SULT2B1: variants seen among roughly 807,000 people sequenced by gnomAD.
SULT2B1 encodes sulfotransferase family 2B member 1.
Under a neutral mutation model 33.2 loss-of-function variants are expected in SULT2B1, and 16 were observed. The ratio of observed to expected loss-of-function variants is 0.48; its 90% CI spans 0.33 to 0.73. The LOEUF is 0.73. SULT2B1 is among the 30% of genes least tolerant of loss of function. SULT2B1 has a pLI of 0.02. For synonymous variants in SULT2B1, 186 were observed against 200.5 expected (o/e 0.93, Z 0.61); for missense variants, 500 against 506.0 (o/e 0.99, Z 0.11).
At chr19:48,581,724 T>A (rs1973490954) in intron 2 of SULT2B1, among the ~76,000 whole-genome samples, 1 of 151,306 alleles carries the variant, frequency 6.6e-6, no homozygotes, top group African/African-American at 2.4e-5. Context: ...CCCAAAGTGC[T>A]GGGATTACAG....
rs550795943 is a variant in SULT2B1 at position 48,591,634 on chromosome 19, G to A, written c.449G>A (p.Arg150Gln). The change falls in exon 4 of 7, where the codon CGG becomes CAG. Residue 150 changes from arginine (R) to glutamine (Q), a missense_variant. Transcript: ENST00000201586. ...GTGATCTACATGGGCCGCAACCCCC[G>A]GGACGTTGTGGTCTCCCTCTATCAT... The part of the protein sequence containing the change: ...AKVIYMGRNP[R>Q]DVVVSLYHYS... The A allele has an allele frequency of 3.7e-6, 6 of 1,613,462 alleles. No individual in the cohort carries two copies. Among genetic ancestry groups the A allele is most frequent in the South Asian group, 1.1e-5 (1 of 91,056 alleles).
intron 1 of SULT2B1, among the ~76,000 whole-genome samples, chr19:48,560,287 C>A (rs1166742051): frequency 6.6e-6 from 1 of 152,184 alleles, no homozygotes; most frequent in Non-Finnish European, 1.5e-5. Flanking sequence ...CTGAGCCAGG[C>A]CCTGTGCTGA....
chr19:48,553,033 C>G (rs1323847151), intron 1 of SULT2B1, among the ~76,000 whole-genome samples: 1 of 152,182 alleles, frequency 6.6e-6, no homozygotes, highest in Non-Finnish European at 1.5e-5. Context: ...CACGCCAGAG[C>G]CTGTGGTTTC....
At chr19:48,583,323 C>A (rs1202868501) in intron 2 of SULT2B1, among the ~76,000 whole-genome samples, 1 of 152,136 alleles carries the variant, frequency 6.6e-6, no homozygotes, top group Non-Finnish European at 1.5e-5. Flanking sequence ...ATTAACTCAG[C>A]AGTTCCACTT....
At chr19:48,588,469 G>T (rs867601843) in intron 3 of SULT2B1, among the ~76,000 whole-genome samples, 1 of 149,228 alleles carries the variant, frequency 6.7e-6, no homozygotes, top group Admixed American at 6.7e-5. Context: ...CCGAGATCGC[G>T]CCATTGCACT....
intron 1 of SULT2B1, among the ~76,000 whole-genome samples, chr19:48,569,405 A>T (rs1973291336): frequency 7.9e-6 from 1 of 125,788 alleles, no homozygotes; most frequent in South Asian, 2.7e-4. Flanking sequence ...TATATGATAA[A>T]TTTTAGATAA....
intron 2 of SULT2B1, among the ~76,000 whole-genome samples, chr19:48,586,146 C>A (rs992562674): frequency 6.6e-6 from 1 of 152,052 alleles, no homozygotes; most frequent in East Asian, 1.9e-4. Flanking sequence ...CTCTTAAGCC[C>A]GGGATTTCAA....
At chr19:48,594,733 T>G (rs1019070894) in intron 5 of SULT2B1, among the ~76,000 whole-genome samples, 1 of 152,098 alleles carries the variant, frequency 6.6e-6, no homozygotes, top group Non-Finnish European at 1.5e-5. Context: ...CAGAAGGTAG[T>G]GATGGCCGGG....
intron 5 of SULT2B1, among the ~76,000 whole-genome samples, chr19:48,594,475 G>A (rs953354172): frequency 6.6e-6 from 1 of 152,108 alleles, no homozygotes; most frequent in African/African-American, 2.4e-5. Context: ...AGAGGTGTCG[G>A]TGCTACTCCT....
At chr19:48,568,652 G>A (rs1350036520) in intron 1 of SULT2B1, among the ~76,000 whole-genome samples, 2 of 152,176 alleles carry the variant, frequency 1.3e-5, no homozygotes, top group Non-Finnish European at 2.9e-5. Flanking sequence ...ACTGCTTGGC[G>A]CGTCCTGGGA....
intron 3 of SULT2B1, among the ~76,000 whole-genome samples, chr19:48,590,729 CTGGAAA>C (rs1973632757): frequency 6.6e-6 from 1 of 152,198 alleles, no homozygotes; most frequent in African/African-American, 2.4e-5. Context: ...GGAAGGAGCC[CTGGAAA>C]GCACCAATGT....
At chr19:48,576,524 G>T (rs747236443) in intron 2 of SULT2B1, among the ~76,000 whole-genome samples, 1 of 149,378 alleles carries the variant, frequency 6.7e-6, no homozygotes, top group Non-Finnish European at 1.5e-5. Flanking sequence ...TCGAGACAAG[G>T]TCTTGCTCTG....
chr19:48,594,932 G>A (rs576513467), intron 5 of SULT2B1, among the ~76,000 whole-genome samples: 149 of 152,158 alleles, frequency 9.8e-4, no homozygotes, highest in Non-Finnish European at 1.6e-3. Context: ...TGAGGCAGGA[G>A]AATCACTGGA....
intron 1 of SULT2B1, among the ~76,000 whole-genome samples, chr19:48,566,827 G>T (rs1186728205): frequency 6.6e-6 from 1 of 150,418 alleles, no homozygotes; most frequent in Non-Finnish European, 1.5e-5. Flanking sequence ...TGGTGACACA[G>T]TGAGACTCTG....
chr19:48,597,654 C>CTTTTTTTT lies in SULT2B1; in HGVS notation c.826+741_826+742insTTTTTTTT, dbSNP rs372246428. ...CACCGCGCCCGGCCTTTTCTTTTTT[C>CTTTTTTTT]TTTTTTGAGACGGAGTTTCACTCTT... is the stretch of plus-strand genomic sequence containing the variant. On this transcript the variant is annotated intron_variant, in intron 6 of 6. Transcript: ENST00000201586. Among the ~76,000 whole-genome samples the CTTTTTTTT allele has an allele frequency of 5.2e-4, 65 of 124,210 alleles. 6 individuals carry two copies. Among genetic ancestry groups the CTTTTTTTT allele is most frequent in the African/African-American group, 1.0e-3 (32 of 31,498 alleles). 81.5% of individuals were successfully genotyped at this position (124,210 alleles called of 152,430 possible).
chr19:48,568,637 G>A (rs550971682), intron 1 of SULT2B1, among the ~76,000 whole-genome samples: 4 of 152,308 alleles, frequency 2.6e-5, no homozygotes, highest in African/African-American at 9.6e-5. Flanking sequence ...GCAGGGCGCC[G>A]GGACACTGCT....
At chr19:48,577,113 A>G (rs1973424016) in intron 2 of SULT2B1, among the ~76,000 whole-genome samples, 1 of 134,366 alleles carries the variant, frequency 7.4e-6, no homozygotes, top group Non-Finnish European at 1.5e-5. Context: ...AGCTCACTGT[A>G]ACCTCTGCCT....
At chr19:48,594,587 T>C (rs1171098995) in intron 5 of SULT2B1, among the ~76,000 whole-genome samples, 1 of 152,200 alleles carries the variant, frequency 6.6e-6, no homozygotes, top group East Asian at 1.9e-4. Flanking sequence ...GCCCACATGT[T>C]AGAATTTCTG....
chr19:48,562,836 T>C (rs951038712), intron 1 of SULT2B1, among the ~76,000 whole-genome samples: 3 of 151,900 alleles, frequency 2.0e-5, no homozygotes, highest in Admixed American at 2.0e-4. Context: ...TGTACCACCA[T>C]ACCCAGCTAA....
Sources: allele counts gnomAD v4.1 joint callset (sites outside exome capture counted in the v4.1 genomes callset), GRCh38; gene constraint gnomAD v4.1.1; transcripts MANE v1.5; gene names NCBI Gene and HGNC (gene_info 2026-07-23, HGNC 2026-07-21).